Variants in MYO1F observed in about 807,000 individuals in gnomAD.
MYO1F encodes the protein myosin IF, also known as unconventional myosin-If.
MYO1F carries 60 observed loss-of-function variants against 146.6 expected under a neutral mutation model. That is an observed-to-expected ratio of 0.41 (90% CI 0.33 to 0.51). The LOEUF is 0.51. Among genes scored for constraint, MYO1F ranks in the 20% least tolerant of loss-of-function variants. MYO1F has a pLI of 0.25. For missense variants in MYO1F, 1,274 were observed against 1,534.3 expected (o/e 0.83, Z 2.83); for synonymous variants, 602 against 602.1 (o/e 1.00, Z 0.00).
At chr19:8,559,606 C>A (rs1047096037) in intron 1 of MYO1F, among the ~76,000 whole-genome samples, 5 of 152,012 alleles carry the variant, frequency 3.3e-5, no homozygotes, top group Non-Finnish European at 7.4e-5. Flanking sequence ...TGGTGCCCCT[C>A]CCCAAGCCTG....
intron 1 of MYO1F, among the ~76,000 whole-genome samples, chr19:8,576,280 T>G (rs1568383370): frequency 6.6e-6 from 1 of 152,214 alleles, no homozygotes; most frequent in Non-Finnish European, 1.5e-5. Flanking sequence ...ATTACAGGCA[T>G]GAGCCACTGT....
chr19:8,529,839 T>G (rs1022294361), intron 21 of MYO1F: 1 of 448,696 alleles, frequency 2.2e-6, no homozygotes, highest in Admixed American at 3.5e-5. Context: ...CGGGTAATGA[T>G]GTACCTGTGA....
chr19:8,561,426 T>C (rs12982567), intron 1 of MYO1F, among the ~76,000 whole-genome samples: 1,110 of 69,848 alleles, frequency 0.016, 10 homozygotes, highest in East Asian at 0.15. Flanking sequence ...TCCCTTCCTT[T>C]CTCCTCTCCC....
chr19:8,569,128 A>G (rs953569524), intron 1 of MYO1F, among the ~76,000 whole-genome samples: 8 of 152,110 alleles, frequency 5.3e-5, no homozygotes, highest in Non-Finnish European at 1.2e-4. Flanking sequence ...ATGAAGTCCT[A>G]TTGGGATGAG....
chr19:8,526,047 G>A (rs1972252382), intron 24 of MYO1F, among the ~76,000 whole-genome samples: 1 of 152,124 alleles, frequency 6.6e-6, no homozygotes. Flanking sequence ...CTGTCTCTCT[G>A]GCCGGGCGCA....
intron 1 of MYO1F, among the ~76,000 whole-genome samples, chr19:8,574,530 CCTTTCTTTCTTTCTTT>C (rs1183292416): frequency 8.4e-6 from 1 of 119,108 alleles, no homozygotes; most frequent in South Asian, 3.0e-4. Flanking sequence ...TTCTTTTTTC[CCTTTCTTTCTTTCTTT>C]CTTTCTTTCT....
At chr19:8,522,882 TGAG>T in intron 25 of MYO1F, 53 bp from the exon 26 acceptor site, 1 of 1,486,456 alleles carries the variant, frequency 6.7e-7, no homozygotes, top group Non-Finnish European at 9.1e-7. Flanking sequence ...TAGGAGGATT[TGAG>T]GAGGACTTGG....
intron 14 of MYO1F, chr19:8,543,933 G>C (rs1205917270): frequency 1.1e-4 from 31 of 272,054 alleles, no homozygotes; most frequent in Non-Finnish European, 1.1e-4. Flanking sequence ...GGTGGTGGTG[G>C]TGGTGCTGGT....
At chr19:8,532,431 T>C (rs1387094175) in intron 19 of MYO1F, among the ~76,000 whole-genome samples, 4 of 152,154 alleles carry the variant, frequency 2.6e-5, no homozygotes, top group African/African-American at 9.7e-5. Flanking sequence ...AGGAACCTAC[T>C]GGATATTAAA....
chr19:8,527,257 G>A (rs1029421719), intron 22 of MYO1F, 81 bp downstream of exon 22: 35 of 1,583,546 alleles, frequency 2.2e-5, no homozygotes, highest in Non-Finnish European at 2.8e-5. Context: ...GATTGTCAGG[G>A]TAACAGACGG....
At chr19:8,566,962 C>T (rs931244594) in intron 1 of MYO1F, among the ~76,000 whole-genome samples, 2 of 152,010 alleles carry the variant, frequency 1.3e-5, no homozygotes, top group African/African-American at 2.4e-5. Flanking sequence ...CAGGCGTAAG[C>T]CACCAGGCCA....
chr19:8,555,804 G>T lies in MYO1F; in HGVS notation c.4-8C>A, dbSNP rs1255805280. Reference sequence around the variant, plus strand: ...GAAGCGCTCCTTGCTGCCCTGGGGGGTGAGAGGGGGGTCGGGGTGAGCCCT... The same window carrying T: ...GAAGCGCTCCTTGCTGCCCTGGGGGTTGAGAGGGGGGTCGGGGTGAGCCCT... On this transcript the variant is annotated splice_region_variant and splice_polypyrimidine_tract_variant and intron_variant, in intron 1 of 27. Coordinates refer to ENST00000644032, the MANE Select transcript of MYO1F (RefSeq NM_012335.4). 1 of 1,610,340 alleles carries T rather than the reference G, an allele frequency of 6.2e-7. No individual in the cohort carries two copies. Among genetic ancestry groups the T allele is most frequent in the Admixed American group, 1.7e-5 (1 of 59,962 alleles).
intron 1 of MYO1F, among the ~76,000 whole-genome samples, chr19:8,561,942 C>T (rs1974151975): frequency 6.6e-6 from 1 of 151,952 alleles, no homozygotes; most frequent in East Asian, 1.9e-4. Context: ...GTCTTGAACT[C>T]CTGACCTCGT....
chr19:8,522,663 G>A lies in MYO1F; in HGVS notation c.3021C>T (p.Phe1007=). ...ARPPSEHNTE[F]LNVPDQGMAG... ...CCATGCCCTGGTCAGGCACGTTGAG[G>A]AATTCTGTGTTGTGCTCTGAGGGCG... The change falls in exon 26 of 28, where the codon TTC becomes TTT. Residue 1007 remains phenylalanine, a synonymous_variant. Transcript: ENST00000644032. The A allele has an allele frequency of 1.2e-6, 2 of 1,613,988 alleles. No individual in the cohort carries two copies. The highest frequency in any genetic ancestry group is 1.7e-6 in the Non-Finnish European group (2 of 1,179,996).
chr19:8,560,694 G>T (rs1244423589), intron 1 of MYO1F, among the ~76,000 whole-genome samples: 1 of 150,436 alleles, frequency 6.6e-6, no homozygotes, highest in African/African-American at 2.4e-5. Flanking sequence ...CCTGGTCTCA[G>T]CCTCCTGTGT....
intron 24 of MYO1F, among the ~76,000 whole-genome samples, chr19:8,525,771 C>T (rs1482677761): frequency 6.6e-6 from 1 of 152,174 alleles, no homozygotes; most frequent in Non-Finnish European, 1.5e-5. Flanking sequence ...GCTCTTTGGG[C>T]CCGCCCACTT....
chr19:8,556,244 G>A (rs1973848790), intron 1 of MYO1F, among the ~76,000 whole-genome samples: 1 of 150,880 alleles, frequency 6.6e-6, no homozygotes, highest in Non-Finnish European at 1.5e-5. Context: ...TGGCCAGGCT[G>A]GTCTGGAACT....
In MYO1F at chr19:8,551,525, T is replaced by A. The variant is rs959836530; in HGVS notation, c.771+215A>T. 5.1e-6 allele frequency: 3 copies of A among 590,368 alleles called. No homozygotes were observed. In the African/African-American group the frequency reaches 5.6e-5, roughly 11 times the overall value. The allele number at this position is 590,368 out of a possible 1,614,324, so 36.6% of individuals were successfully genotyped here. A position where few individuals can be genotyped will look rare whatever the true frequency, so the allele number is the denominator to read the frequency against. On this transcript the variant is annotated intron_variant, in intron 8 of 27. Coordinates refer to ENST00000644032, the MANE Select transcript of MYO1F (RefSeq NM_012335.4). ...CGCCACCACATCTGGCTAATTTTTG[T>A]ATTTTAAGTAGAGACGGGGTTTAAC...
chr19:8,538,578 G>A (rs116148118), intron 16 of MYO1F, among the ~76,000 whole-genome samples: 3,680 of 147,628 alleles, frequency 0.025, 83 homozygotes, highest in African/African-American at 0.065. Context: ...CATTGCTCCC[G>A]GTCTGATTTT....
Sources: allele counts gnomAD v4.1 joint callset (sites outside exome capture counted in the v4.1 genomes callset), GRCh38; gene constraint gnomAD v4.1.1; transcripts MANE v1.5; gene names NCBI Gene and HGNC (gene_info 2026-07-23, HGNC 2026-07-21).